The following MVB12B variants were observed in gnomAD, a reference collection of about 807,000 sequenced individuals.
The protein encoded by MVB12B is multivesicular body subunit 12B, also known as ESCRT-I complex subunit MVB12B.
MVB12B carries 16 observed loss-of-function variants against 41.6 expected under a neutral mutation model. That is an observed-to-expected ratio of 0.38 (90% CI 0.26 to 0.58). MVB12B has a LOEUF of 0.58. Among genes scored for constraint, MVB12B ranks in the 20% least tolerant of loss-of-function variants. The pLI, the probability that MVB12B is intolerant of heterozygous loss-of-function variation, is 0.62. For missense variants in MVB12B, 274 were observed against 380.2 expected (o/e 0.72, Z 2.32); for synonymous variants, 133 against 139.7 (o/e 0.95, Z 0.34).
Position 126,340,909 on chromosome 9 carries a change from G to T in MVB12B, c.204+279G>T, listed in dbSNP as rs139330342. ...TTTCAACTTCTGGTTGTGACATTTCGTGAAAAGGATCCAGAGTCTATGAAC... is the reference window on the plus strand; with the variant it reads ...TTTCAACTTCTGGTTGTGACATTTCTTGAAAAGGATCCAGAGTCTATGAAC... On this transcript the variant is annotated intron_variant, in intron 2 of 9. Coordinates refer to ENST00000361171, the MANE Select transcript of MVB12B (RefSeq NM_033446.3). This position sits in a 1 kb window ranked among gnomAD's most constrained non-coding sequence, Gnocchi z 4.0. 1.2e-3 allele frequency among the ~76,000 whole-genome samples: 180 copies of T among 152,292 alleles called. 3 individuals are homozygous for T. Among genetic ancestry groups the T allele is most frequent in the African/African-American group, 4.2e-3 (174 of 41,568 alleles).
At chr9:126,446,659 T>A (rs1832776057) in intron 7 of MVB12B, among the ~76,000 whole-genome samples, 1 of 151,970 alleles carries the variant, frequency 6.6e-6, no homozygotes, top group Admixed American at 6.6e-5. Context: ...TTATCATGTG[T>A]ATTTTTTTAA....
At chr9:126,412,301 G>T (rs1466536997) in intron 6 of MVB12B, among the ~76,000 whole-genome samples, 2 of 152,140 alleles carry the variant, frequency 1.3e-5, no homozygotes, top group African/African-American at 4.8e-5. Context: ...TCTTCCCAGT[G>T]GTGTTTGCAG....
chr9:126,400,095 G>A (rs1831228259), intron 6 of MVB12B, among the ~76,000 whole-genome samples: 1 of 152,200 alleles, frequency 6.6e-6, no homozygotes, highest in Non-Finnish European at 1.5e-5. Context: ...TGGGGCGTGT[G>A]CACTGCCTCA....
chr9:126,413,416 G>C (rs552739952), intron 6 of MVB12B, among the ~76,000 whole-genome samples: 3 of 152,228 alleles, frequency 2.0e-5, no homozygotes, highest in African/African-American at 7.2e-5. Flanking sequence ...ACAGGTACAC[G>C]CTGTAAACAA....
chr9:126,464,590 T>G (rs1833160973), intron 7 of MVB12B, among the ~76,000 whole-genome samples: 2 of 152,330 alleles, frequency 1.3e-5, no homozygotes, highest in African/African-American at 4.8e-5. Flanking sequence ...GTCTTGGCCA[T>G]GAATGGATCT....
chr9:126,491,682 TTAATA>T (rs1191128540), intron 9 of MVB12B, among the ~76,000 whole-genome samples: 7 of 152,164 alleles, frequency 4.6e-5, no homozygotes, highest in African/African-American at 1.7e-4. Flanking sequence ...TCTGCTCCCT[TTAATA>T]TATTGCTAAA....
intron 7 of MVB12B, 65 bp downstream of exon 7, chr9:126,422,013 A>G: frequency 8.8e-7 from 1 of 1,139,582 alleles, no homozygotes; most frequent in Non-Finnish European, 1.3e-6. Flanking sequence ...CTCCTTCCAC[A>G]CGTTCTCTGT....
intron 7 of MVB12B, among the ~76,000 whole-genome samples, chr9:126,479,234 C>T (rs1833476934): frequency 6.6e-6 from 1 of 152,170 alleles, no homozygotes; most frequent in South Asian, 2.1e-4. Context: ...TTCTCAGAGC[C>T]TCTGCTTCCC....
chr9:126,469,610 A>G (rs1792690359), intron 7 of MVB12B, among the ~76,000 whole-genome samples: 1 of 152,232 alleles, frequency 6.6e-6, no homozygotes, highest in South Asian at 2.1e-4. Flanking sequence ...GCTGCAGATC[A>G]CACTGCCTGT....
intron 6 of MVB12B, among the ~76,000 whole-genome samples, chr9:126,403,851 C>T (rs1276962286): frequency 6.6e-6 from 1 of 152,022 alleles, no homozygotes; most frequent in African/African-American, 2.4e-5. Flanking sequence ...ATATTTTATG[C>T]ATCGCCCTTC....
chr9:126,430,314 C>T (rs1157732642), intron 7 of MVB12B, among the ~76,000 whole-genome samples: 1 of 152,138 alleles, frequency 6.6e-6, no homozygotes, highest in East Asian at 1.9e-4. Context: ...TCGCTCCCTG[C>T]GTCCTCCTTG....
intron 7 of MVB12B, among the ~76,000 whole-genome samples, chr9:126,445,660 C>CT (rs1214799987): frequency 3.3e-5 from 5 of 151,234 alleles, no homozygotes; most frequent in South Asian, 2.1e-4. Context: ...ATTGTTGGGT[C>CT]TTTTTTTTTC....
At chr9:126,482,190 G>C (rs921948103) in intron 8 of MVB12B, among the ~76,000 whole-genome samples, 1 of 146,970 alleles carries the variant, frequency 6.8e-6, no homozygotes, top group Non-Finnish European at 1.5e-5. Context: ...GGTGGCAGTG[G>C]CCCCCTCCCA....
chr9:126,457,962 T>C (rs891426444), intron 7 of MVB12B, among the ~76,000 whole-genome samples: 2 of 152,050 alleles, frequency 1.3e-5, no homozygotes, highest in Admixed American at 6.5e-5. Context: ...CAAAAGACGA[T>C]TTGGGGACTT....
intron 2 of MVB12B, among the ~76,000 whole-genome samples, chr9:126,350,676 C>T (rs1220013850): frequency 6.6e-6 from 1 of 152,158 alleles, no homozygotes; most frequent in Non-Finnish European, 1.5e-5. Flanking sequence ...CAGTTCTGCT[C>T]CCATGATAAC....
chr9:126,332,439 G>T (rs1829155872), intron 1 of MVB12B, among the ~76,000 whole-genome samples: 1 of 152,200 alleles, frequency 6.6e-6, no homozygotes, highest in African/African-American at 2.4e-5. Context: ...GCTCTCCGGG[G>T]CATTCTTCCT....
chr9:126,426,845 C>T (rs975065155), intron 7 of MVB12B: 2 of 152,358 alleles, frequency 1.3e-5, no homozygotes, highest in Admixed American at 1.3e-4. Context: ...GAACTATTCT[C>T]TTAAGCCCGA....
chr9:126,491,892 G>A lies in MVB12B; in HGVS notation c.873+7860G>A, dbSNP rs185604549. On this transcript the variant is annotated intron_variant, in intron 9 of 9. Transcript: ENST00000361171. ...GACTCTACAAGCGTCTGACCACAGC[G>A]CAGGAATCAGTTTTATGCCACAGAC... 2.7e-4 allele frequency among the ~76,000 whole-genome samples: 41 copies of A among 152,216 alleles called. No individual in the cohort carries two copies. In the East Asian group the frequency reaches 5.2e-3, roughly 19 times the overall value.
chr9:126,357,318 T>G (rs996865995), intron 2 of MVB12B, among the ~76,000 whole-genome samples: 1 of 152,242 alleles, frequency 6.6e-6, no homozygotes, highest in African/African-American at 2.4e-5. Flanking sequence ...AACATGCATA[T>G]GCAAGTCTGT....
Sources: allele counts gnomAD v4.1 joint callset (sites outside exome capture counted in the v4.1 genomes callset), GRCh38; gene constraint gnomAD v4.1.1; non-coding constraint Gnocchi (gnomAD v3.1); transcripts MANE v1.5; gene names NCBI Gene and HGNC (gene_info 2026-07-23, HGNC 2026-07-21).